Variants in NEO1 observed in about 807,000 individuals in gnomAD.
NEO1 encodes neogenin.
In NEO1, 63 loss-of-function variants were observed where a neutral mutation model predicts 159.7. That is an observed-to-expected ratio of 0.39 (90% CI 0.32 to 0.49). The LOEUF is 0.49. Among genes scored for constraint, NEO1 ranks in the 20% least tolerant of loss-of-function variants. NEO1 has a pLI of 0.85. For synonymous variants in NEO1, 633 were observed against 662.0 expected (o/e 0.96, Z 0.67); for missense variants, 1,615 against 1,831.0 (o/e 0.88, Z 2.15).
intron 4 of NEO1, 113 bp from the exon 5 acceptor site, chr15:73,135,778 A>T (rs1393939557): frequency 2.1e-6 from 2 of 944,832 alleles, no homozygotes; most frequent in Non-Finnish European, 2.9e-6. Flanking sequence ...ATCTATAGCT[A>T]TATAAATAAT....
intron 1 of NEO1, among the ~76,000 whole-genome samples, chr15:73,078,574 G>T (rs1367008051): frequency 6.6e-6 from 1 of 152,244 alleles, no homozygotes; most frequent in African/African-American, 2.4e-5. Context: ...ACACAGTAAA[G>T]TGTTCTTAAA....
At chr15:73,063,301 C>G (rs919361203) in intron 1 of NEO1, among the ~76,000 whole-genome samples, 1 of 152,074 alleles carries the variant, frequency 6.6e-6, no homozygotes, top group East Asian at 1.9e-4. Flanking sequence ...ACCACCCACT[C>G]TACTGGGCTG....
Position 73,228,675 on chromosome 15 carries a change from C to T in NEO1, c.1292-7672C>T, listed in dbSNP as rs961287280. 4.6e-5 allele frequency among the ~76,000 whole-genome samples: 7 copies of T among 151,688 alleles called. No homozygotes were observed. In the South Asian group the frequency reaches 6.2e-4, roughly 14 times the overall value. On this transcript the variant is annotated intron_variant, in intron 7 of 28. Transcript: ENST00000261908. ...TTTATGTCTTGTGCGTTTGATGTAA[C>T]GTATAAAAATTCTTTGCTAACTCAA...
chr15:73,268,916 C>T (rs1034056330), intron 16 of NEO1, among the ~76,000 whole-genome samples: 4 of 152,170 alleles, frequency 2.6e-5, no homozygotes, highest in Non-Finnish European at 5.9e-5. Context: ...AAGTTTGTTA[C>T]TTGGAACTGT....
intron 7 of NEO1, among the ~76,000 whole-genome samples, chr15:73,222,366 A>G (rs1481188692): frequency 6.6e-6 from 1 of 151,768 alleles, no homozygotes; most frequent in Non-Finnish European, 1.5e-5. Flanking sequence ...AGCCTCCCAA[A>G]GTCCTGGGAT....
chr15:73,054,312 G>A (rs2067601770), intron 1 of NEO1, among the ~76,000 whole-genome samples: 1 of 152,160 alleles, frequency 6.6e-6, no homozygotes, highest in African/African-American at 2.4e-5. Flanking sequence ...TAAAATGCTA[G>A]TAATTTTATT....
At chr15:73,063,541 G>T (rs1256175651) in intron 1 of NEO1, among the ~76,000 whole-genome samples, 1 of 152,104 alleles carries the variant, frequency 6.6e-6, no homozygotes, top group Non-Finnish European at 1.5e-5. Flanking sequence ...ATAAGGATTT[G>T]TTTAGTTTGG....
rs1170577619 is a variant in NEO1, at chr15:73,111,697, T to A, written c.131-4843T>A. Among the ~76,000 whole-genome samples the A allele has an allele frequency of 3.9e-5, 6 of 152,162 alleles. 1 individual carries two copies. Among genetic ancestry groups the A allele is most frequent in the Admixed American group, 3.3e-4 (5 of 15,262 alleles). On this transcript the variant is annotated intron_variant, in intron 1 of 28. Transcript: ENST00000261908. ...GTGTAGTGGTGTAATCTTGGCTCAC[T>A]GCATCCTCTTCCTCCCGTGCTCCAG...
Position 73,302,785 on chromosome 15 carries a change from G to A in NEO1, c.*89G>A. On this transcript the variant is annotated 3_prime_UTR_variant, in exon 29 of 29. Coordinates refer to ENST00000261908, the MANE Select transcript of NEO1 (RefSeq NM_002499.4). ...CAAGGAATTGTACAGAGTACGAGAG[G>A]ACAGCACTTGAGAACACAGAATGAG... 1.6e-6 allele frequency: 2 copies of A among 1,216,106 alleles called. No homozygotes were observed. The highest frequency in any genetic ancestry group is 1.2e-6 in the Non-Finnish European group (1 of 842,948). 75.3% of individuals were successfully genotyped at this position (1,216,106 alleles called of 1,614,324 possible).
chr15:73,068,747 G>A (rs1011407874), intron 1 of NEO1, among the ~76,000 whole-genome samples: 3 of 151,918 alleles, frequency 2.0e-5, no homozygotes, highest in Non-Finnish European at 2.9e-5. Flanking sequence ...TTAAATGCAT[G>A]AGCTTAGTTT....
At chr15:73,283,700 AGTAGAAAGT>A (rs1325790660) in intron 23 of NEO1, among the ~76,000 whole-genome samples, 1 of 152,204 alleles carries the variant, frequency 6.6e-6, no homozygotes, top group Non-Finnish European at 1.5e-5. Flanking sequence ...TGGTGAGAAA[AGTAGAAAGT>A]GTCTGGCATT....
intron 7 of NEO1, among the ~76,000 whole-genome samples, chr15:73,211,014 A>AT (rs2037526794): frequency 6.6e-6 from 1 of 152,210 alleles, no homozygotes; most frequent in Non-Finnish European, 1.5e-5. Flanking sequence ...ATACATAAAC[A>AT]TTTTTTACAA....
chr15:73,194,037 A>AT (rs1411738437), intron 7 of NEO1, among the ~76,000 whole-genome samples: 1 of 152,174 alleles, frequency 6.6e-6, no homozygotes, highest in African/African-American at 2.4e-5. Flanking sequence ...TGAGTACAGG[A>AT]ATATACATCT....
intron 1 of NEO1, among the ~76,000 whole-genome samples, chr15:73,054,956 G>T (rs1226775199): frequency 6.6e-6 from 1 of 152,106 alleles, no homozygotes; most frequent in African/African-American, 2.4e-5. Flanking sequence ...ATAGATTGTA[G>T]GGAAGTGGAC....
intron 5 of NEO1, among the ~76,000 whole-genome samples, chr15:73,148,627 C>T (rs1393846126): frequency 1.3e-5 from 2 of 152,180 alleles, no homozygotes; most frequent in African/African-American, 4.8e-5. Flanking sequence ...CATCAGGTCC[C>T]CACAGGAGCA....
chr15:73,225,114 C>G (rs1186445259), intron 7 of NEO1, among the ~76,000 whole-genome samples: 1 of 152,162 alleles, frequency 6.6e-6, no homozygotes, highest in Non-Finnish European at 1.5e-5. Flanking sequence ...CAGCTCCAGG[C>G]TGGTACTGGG....
intron 3 of NEO1, among the ~76,000 whole-genome samples, chr15:73,124,209 A>G (rs1247951308): frequency 6.6e-6 from 1 of 151,782 alleles, no homozygotes; most frequent in African/African-American, 2.4e-5. Context: ...CAAACGGTAC[A>G]CACCACCACA....
At chr15:73,210,141 T>C (rs1358180921) in intron 7 of NEO1, among the ~76,000 whole-genome samples, 2 of 152,192 alleles carry the variant, frequency 1.3e-5, no homozygotes, top group African/African-American at 2.4e-5. Flanking sequence ...AGTTAAAGTA[T>C]AAGACAAGAC....
intron 27 of NEO1, 127 bp downstream of exon 27, chr15:73,298,738 A>C: frequency 2.3e-6 from 3 of 1,331,212 alleles, no homozygotes; most frequent in Non-Finnish European, 3.1e-6. Context: ...TATCTTAGCA[A>C]TTCTGTTAGC....
Sources: gnomAD v4.1 joint callset for allele counts (sites outside exome capture counted in the v4.1 genomes callset) on GRCh38, gnomAD v4.1.1 for gene constraint, MANE v1.5 for transcripts, NCBI Gene and HGNC (gene_info 2026-07-23, HGNC 2026-07-21) for gene names.